Variants in UNC13C observed in about 807,000 individuals in gnomAD.
UNC13C encodes protein unc-13 homolog C.
Under a neutral mutation model 245.4 loss-of-function variants are expected in UNC13C, and 174 were observed. That is an observed-to-expected ratio of 0.71 (90% CI 0.63 to 0.80). The LOEUF is 0.80. Ranked by LOEUF, UNC13C falls within the 30% of genes least tolerant of loss-of-function variation. The probability of loss-of-function intolerance (pLI) is 0.00; values close to 1 mark genes in which losing one functional copy is unlikely to be tolerated. For missense variants in UNC13C, 2,829 were observed against 2,602.9 expected (o/e 1.09, Z -1.89); for synonymous variants, 992 against 895.1 (o/e 1.11, Z -1.93).
At chr15:54,214,461 T>C (rs2034979111) in intron 4 of UNC13C, among the ~76,000 whole-genome samples, 1 of 151,918 alleles carries the variant, frequency 6.6e-6, no homozygotes, top group Admixed American at 6.6e-5. Flanking sequence ...CAAGAAACAT[T>C]GTCTAATAAT....
At chr15:54,362,294 C>A (rs2039251133) in intron 17 of UNC13C, among the ~76,000 whole-genome samples, 1 of 152,218 alleles carries the variant, frequency 6.6e-6, no homozygotes, top group African/African-American at 2.4e-5. Flanking sequence ...CCACCTCCAA[C>A]TCCTTCCTCT....
At chr15:53,844,104 A>G in the UNC13C span, among the ~76,000 whole-genome samples, 1 of 152,214 alleles carries the variant, frequency 6.6e-6, no homozygotes, top group African/African-American at 2.4e-5. Flanking sequence ...ATCCCAGAGC[A>G]TACGTAAATG....
intron 19 of UNC13C, among the ~76,000 whole-genome samples, chr15:54,441,718 T>A (rs1890536347): frequency 6.6e-6 from 1 of 152,012 alleles, no homozygotes; most frequent in African/African-American, 2.4e-5. Flanking sequence ...TTTTTTCATT[T>A]ATTTGAAAAA....
At chr15:54,192,446 C>A (rs1158389207) in intron 4 of UNC13C, among the ~76,000 whole-genome samples, 1 of 152,026 alleles carries the variant, frequency 6.6e-6, no homozygotes, top group Non-Finnish European at 1.5e-5. Flanking sequence ...GGTGATATAT[C>A]CATGAATCCT....
the UNC13C span, among the ~76,000 whole-genome samples, chr15:53,942,212 C>T: frequency 6.6e-6 from 1 of 152,074 alleles, no homozygotes; most frequent in South Asian, 2.1e-4. Flanking sequence ...ACATGGAATA[C>T]TATGCACCCA....
chr15:54,481,762 G>T (rs968705261), intron 19 of UNC13C, among the ~76,000 whole-genome samples: 1 of 152,000 alleles, frequency 6.6e-6, no homozygotes, highest in Non-Finnish European at 1.5e-5. Flanking sequence ...CTGCATCTGT[G>T]GTGTGTAGAG....
chr15:54,013,111 T>C lies in UNC13C; in HGVS notation c.208T>C (p.Ser70Pro), dbSNP rs376968299. The C allele has an allele frequency of 3.7e-6, 6 of 1,613,774 alleles. No homozygotes were observed. Among genetic ancestry groups the C allele is most frequent in the Non-Finnish European group, 5.1e-6 (6 of 1,179,866 alleles). ...KSTVKKIAKCSSTHNLSTEED... is the reference protein window; with the variant it reads ...KSTVKKIAKCPSTHNLSTEED... ...CACTGTAAAGAAGATTGCAAAGTGTTCATCCACTCACAACTTATCCACTGA... is the reference window on the plus strand; with the variant it reads ...CACTGTAAAGAAGATTGCAAAGTGTCCATCCACTCACAACTTATCCACTGA... The change falls in exon 2 of 33, where the codon TCA (serine) becomes CCA (proline). Residue 70 changes from serine (S) to proline (P), a missense_variant. Transcript: ENST00000260323.
At chr15:54,479,448 C>T (rs1428757474) in intron 19 of UNC13C, among the ~76,000 whole-genome samples, 1 of 152,032 alleles carries the variant, frequency 6.6e-6, no homozygotes, top group Non-Finnish European at 1.5e-5. Context: ...CCTTCACATT[C>T]AGTCTATATG....
chr15:54,440,608 G>C (rs773670413), intron 19 of UNC13C, among the ~76,000 whole-genome samples: 5 of 151,822 alleles, frequency 3.3e-5, no homozygotes, highest in Non-Finnish European at 1.5e-5. Context: ...ATTAGTACTG[G>C]AAAAAAGATG....
chr15:54,376,842 G>C (rs1046068017), intron 17 of UNC13C, among the ~76,000 whole-genome samples: 1 of 152,192 alleles, frequency 6.6e-6, no homozygotes, highest in South Asian at 2.1e-4. Context: ...AGAAAGACTT[G>C]CTGTTCACCC....
chr15:54,566,196 A>G (rs1897503993), intron 29 of UNC13C, among the ~76,000 whole-genome samples: 1 of 152,158 alleles, frequency 6.6e-6, no homozygotes, highest in African/African-American at 2.4e-5. Flanking sequence ...TCTAGGTGAT[A>G]CAGAGTCAAG....
chr15:54,385,846 CAAT>C (rs1429264463), intron 17 of UNC13C, among the ~76,000 whole-genome samples: 2 of 151,850 alleles, frequency 1.3e-5, no homozygotes, highest in Non-Finnish European at 2.9e-5. Flanking sequence ...TATTATATAT[CAAT>C]AAAAGGAGAA....
At chr15:54,052,860 T>C (rs1449103232) in intron 2 of UNC13C, among the ~76,000 whole-genome samples, 1 of 152,264 alleles carries the variant, frequency 6.6e-6, no homozygotes, top group African/African-American at 2.4e-5. Flanking sequence ...ACAGAAATAG[T>C]ACTCAGTGAT....
chr15:54,440,182 C>T (rs1194930350), intron 19 of UNC13C, among the ~76,000 whole-genome samples: 1 of 152,006 alleles, frequency 6.6e-6, no homozygotes, highest in African/African-American at 2.4e-5. Context: ...TCTCTCTCCT[C>T]CTGTCATGTG....
chr15:54,555,568 A>C (rs1897055488), intron 29 of UNC13C, 56 bp downstream of exon 29: 1 of 1,378,120 alleles, frequency 7.3e-7, no homozygotes, highest in African/African-American at 1.4e-5. Flanking sequence ...TTACCTCCAG[A>C]GATAGGTAGC....
intron 2 of UNC13C, among the ~76,000 whole-genome samples, chr15:54,072,146 C>G (rs2414273): frequency 0.2 from 29,796 of 152,076 alleles, 3,072 homozygotes; most frequent in Admixed American, 0.29. Context: ...AAGCAGGACT[C>G]TGATCTATGG....
chr15:54,018,017 G>A (rs1895737503), intron 2 of UNC13C, among the ~76,000 whole-genome samples: 1 of 152,112 alleles, frequency 6.6e-6, no homozygotes, highest in Non-Finnish European at 1.5e-5. Flanking sequence ...TGACTACCCA[G>A]GAAGCTGCGG....
chr15:54,194,181 T>C (rs905728148), intron 4 of UNC13C, among the ~76,000 whole-genome samples: 2 of 152,164 alleles, frequency 1.3e-5, no homozygotes, highest in Non-Finnish European at 2.9e-5. Flanking sequence ...GACTATACAA[T>C]GACCCAAGTT....
intron 17 of UNC13C, among the ~76,000 whole-genome samples, chr15:54,347,527 T>G (rs1183092748): frequency 3.3e-5 from 5 of 152,216 alleles, no homozygotes; most frequent in Non-Finnish European, 5.9e-5. Flanking sequence ...TAGGGACTTT[T>G]TAAAATCTTA....
Sources: gnomAD v4.1 joint callset for allele counts (sites outside exome capture counted in the v4.1 genomes callset) on GRCh38, gnomAD v4.1.1 for gene constraint, MANE v1.5 for transcripts, NCBI Gene and HGNC (gene_info 2026-07-23, HGNC 2026-07-21) for gene names.